Variants in IL5RA observed in about 807,000 individuals in gnomAD.
IL5RA encodes the protein interleukin-5 receptor subunit alpha.
IL5RA carries 49 observed loss-of-function variants against 50.0 expected under a neutral mutation model. The observed-to-expected ratio is 0.98, with a 90% confidence interval of 0.78 to 1.24. The LOEUF (loss-of-function observed/expected upper bound fraction) is 1.24. IL5RA is among the 50% of genes most tolerant of loss of function. IL5RA has a pLI of 0.00. For synonymous variants in IL5RA, 202 were observed against 174.0 expected (o/e 1.16, Z -1.26); for missense variants, 600 against 500.4 (o/e 1.20, Z -1.90).
In IL5RA at chr3:3,067,292, C is replaced by A. The variant is rs1198877258; in HGVS notation, c.*2933G>T. 1 of 152,254 alleles carries A rather than the reference C, an allele frequency of 6.6e-6. No individual in the cohort carries two copies. The highest frequency in any genetic ancestry group is 1.5e-5 in the Non-Finnish European group (1 of 68,076). The allele number at this position is 152,254 out of a possible 1,614,324, so 9.4% of individuals were successfully genotyped here. The stretch of plus-strand genomic sequence containing the variant: ...AACCGCATTCTCATTAGATACCCAG[C>A]TTCCTCCCCCTGTCATTATTGTAGG... On this transcript the variant is annotated 3_prime_UTR_variant, in exon 12 of 12. Coordinates refer to ENST00000446632, the MANE Select transcript of IL5RA (RefSeq NM_175726.4).
At chr3:3,105,115 G>C in intron 2 of IL5RA, 128 bp from the exon 3 acceptor site, 1 of 611,478 alleles carries the variant, frequency 1.6e-6, no homozygotes. Flanking sequence ...TTTGTTATGC[G>C]CAAAAAGTAC....
chr3:3,089,619 A>G (rs1228308892), intron 9 of IL5RA, among the ~76,000 whole-genome samples: 2 of 152,052 alleles, frequency 1.3e-5, no homozygotes, highest in Non-Finnish European at 2.9e-5. Flanking sequence ...GATCACCCAT[A>G]ATCACAAAGG....
chr3:3,099,155 TGCACATTAGCATGTTAAA>T (rs1703512051), intron 5 of IL5RA, among the ~76,000 whole-genome samples: 1 of 152,230 alleles, frequency 6.6e-6, no homozygotes, highest in Non-Finnish European at 1.5e-5. Flanking sequence ...GCAGACTTGA[TGCACATTAGCATGTTAAA>T]GTCCTCTTTA....
At position 3,095,286 on chromosome 3, in the gene IL5RA, T is replaced by G; in HGVS notation, c.855+13A>C. Reference sequence around the variant, plus strand: ...TGTCTGTTATCAAATATTGGAATAATCTGAGTAATTACCTGCAAATATCCA... The same window carrying G: ...TGTCTGTTATCAAATATTGGAATAAGCTGAGTAATTACCTGCAAATATCCA... On this transcript the variant is annotated intron_variant, in intron 8 of 11. Transcript: ENST00000446632. 6.4e-7 allele frequency: 1 copy of G among 1,554,226 alleles called. No individual in the cohort carries two copies. The highest frequency in any genetic ancestry group is 8.8e-7 in the Non-Finnish European group (1 of 1,137,430).
intron 5 of IL5RA, among the ~76,000 whole-genome samples, chr3:3,100,468 C>T (rs955354452): frequency 2.6e-5 from 4 of 151,962 alleles, no homozygotes; most frequent in Non-Finnish European, 5.9e-5. Flanking sequence ...ACTTTTGCAC[C>T]AACCTAATAT....
chr3:3,101,589 C>A, intron 5 of IL5RA, 103 bp downstream of exon 5: 1 of 1,160,272 alleles, frequency 8.6e-7, no homozygotes, highest in Middle Eastern at 2.4e-4. Context: ...TTGAGAAGAA[C>A]GGGTGACTGA....
intron 2 of IL5RA, among the ~76,000 whole-genome samples, chr3:3,106,920 CAT>C (rs1309010324): frequency 6.6e-6 from 1 of 152,104 alleles, no homozygotes; most frequent in Non-Finnish European, 1.5e-5. Context: ...AAGCAATAAA[CAT>C]GTATTTATCC....
chr3:3,070,608 G>A (rs1210754045), intron 11 of IL5RA, among the ~76,000 whole-genome samples: 1 of 90,546 alleles, frequency 1.1e-5, no homozygotes, highest in East Asian at 3.1e-4. Context: ...TTTAGACAGA[G>A]TCTCACTCTT....
At chr3:3,102,194 T>C (rs1440829235) in intron 4 of IL5RA, among the ~76,000 whole-genome samples, 1 of 152,238 alleles carries the variant, frequency 6.6e-6, no homozygotes, top group Non-Finnish European at 1.5e-5. Context: ...ACACCTAATA[T>C]GTAGCAGGTG....
At chr3:3,083,347 A>G (rs964246788) in intron 9 of IL5RA, among the ~76,000 whole-genome samples, 4 of 152,342 alleles carry the variant, frequency 2.6e-5, no homozygotes, top group African/African-American at 9.6e-5. Context: ...TCACACACAC[A>G]GCTTGCACTA....
At position 3,092,445 on chromosome 3, in the gene IL5RA, A is replaced by G. The variant is rs1703168135; in HGVS notation, c.856-83T>C. On this transcript the variant is annotated intron_variant, in intron 8 of 11. Transcript: ENST00000446632. This position sits in a 1 kb window ranked among gnomAD's most constrained non-coding sequence, Gnocchi z 4.2. ...ATTATCAGAATGGGAGGTCCTATAT[A>G]GGTCATGTGACTCACTGTTCAGCAA... The G allele has an allele frequency of 7.9e-7, 1 of 1,270,158 alleles. No individual in the cohort carries two copies. 78.7% of individuals were successfully genotyped at this position (1,270,158 alleles called of 1,614,324 possible).
At chr3:3,101,287 G>C (rs188182193) in intron 5 of IL5RA, among the ~76,000 whole-genome samples, 1 of 152,050 alleles carries the variant, frequency 6.6e-6, no homozygotes, top group Non-Finnish European at 1.5e-5. Flanking sequence ...CAAAATAGTC[G>C]TTTGAAAATT....
intron 9 of IL5RA, among the ~76,000 whole-genome samples, chr3:3,090,665 C>T (rs895305286): frequency 4.1e-5 from 6 of 147,354 alleles, no homozygotes; most frequent in Admixed American, 1.4e-4. Context: ...CTCCCGGGTT[C>T]ACGCCATTCT....
chr3:3,101,851 T>A (rs1390220874), intron 4 of IL5RA, 21 bp from the exon 5 acceptor site: 1 of 1,607,240 alleles, frequency 6.2e-7, no homozygotes. Context: ...AACCCACAAG[T>A]CATGATACAT....
In IL5RA at chr3:3,068,614, A is replaced by AAAAAAAAAAAAAAG. The variant is rs1559856794; in HGVS notation, c.*1610_*1611insCTTTTTTTTTTTTT. ...AAAAAAAAAAAAAAAAAAAACAAAAACAGGTTTGAGATTATGAATCATTTG... is the reference window on the plus strand; with the variant it reads ...AAAAAAAAAAAAAAAAAAAACAAAAAAAAAAAAAAAAAAGCAGGTTTGAGATTATGAATCATTTG... On this transcript the variant is annotated 3_prime_UTR_variant, in exon 12 of 12. Transcript: ENST00000446632. The AAAAAAAAAAAAAAG allele has an allele frequency of 4.4e-5, 6 of 135,686 alleles. No homozygotes were observed. Among genetic ancestry groups the AAAAAAAAAAAAAAG allele is most frequent in the Admixed American group, 1.5e-4 (2 of 13,314 alleles). The allele number at this position is 135,686 out of a possible 1,614,324, so 8.4% of individuals were successfully genotyped here.
intron 8 of IL5RA, among the ~76,000 whole-genome samples, chr3:3,093,624 T>G (rs1703230942): frequency 6.6e-6 from 1 of 152,206 alleles, no homozygotes; most frequent in East Asian, 1.9e-4. Context: ...CTTCTCATGT[T>G]TTCTCACCAG....
chr3:3,076,234 CAAAAG>C (rs1036337002), intron 10 of IL5RA, among the ~76,000 whole-genome samples: 8 of 152,140 alleles, frequency 5.3e-5, no homozygotes, highest in Non-Finnish European at 1.0e-4. Context: ...GAGAAGGAAT[CAAAAG>C]AAACCCGCAA....
chr3:3,089,244 T>C (rs768831230), intron 9 of IL5RA, among the ~76,000 whole-genome samples: 31 of 152,332 alleles, frequency 2.0e-4, no homozygotes, highest in Non-Finnish European at 3.4e-4. Flanking sequence ...GGGCTACCCC[T>C]GTAAGGCTGA....
At chr3:3,076,393 G>T in intron 10 of IL5RA, 138 bp downstream of exon 10, 1 of 625,446 alleles carries the variant, frequency 1.6e-6, no homozygotes. Context: ...CACTCATCTT[G>T]GACAGGTCAT....
Sources: allele counts gnomAD v4.1 joint callset (sites outside exome capture counted in the v4.1 genomes callset), GRCh38; gene constraint gnomAD v4.1.1; non-coding constraint Gnocchi (gnomAD v3.1); transcripts MANE v1.5; gene names NCBI Gene and HGNC (gene_info 2026-07-23, HGNC 2026-07-21).